WDR43: variants seen among roughly 807,000 people sequenced by gnomAD.
WDR43 encodes WD repeat-containing protein 43.
In WDR43, 13 loss-of-function variants were observed where a neutral mutation model predicts 91.4. That is an observed-to-expected ratio of 0.14 (90% confidence interval 0.09 to 0.23). The LOEUF is 0.23. Ranked by LOEUF, WDR43 falls within the 10% of genes least tolerant of loss-of-function variation. WDR43 has a pLI of 1.00. For synonymous variants in WDR43, 331 were observed against 287.9 expected (o/e 1.15, Z -1.51); for missense variants, 780 against 809.4 (o/e 0.96, Z 0.44).
chr2:28,907,401 T>TCATGAGG (rs1553326129), intron 3 of WDR43, among the ~76,000 whole-genome samples: 1 of 147,652 alleles, frequency 6.8e-6, no homozygotes, highest in African/African-American at 2.5e-5. Flanking sequence ...GGTGGGAGGA[T>TCATGAGG]TGCTTGAGAC....
chr2:28,926,494 G>A lies in WDR43; in HGVS notation c.1113G>A (p.Met371Ile). ...CTTTAAACTCCAGAGAACCTCATAT[G>A]TGTTTAGTAAGAGATATTTCAAACT... ...RVALNSREPH[M>I]CLVRDISNCW... The change falls in exon 9 of 18, where the codon ATG becomes ATA. Residue 371 changes from methionine to isoleucine, a missense_variant. Met to Ile is a conservative substitution (Grantham distance 10, BLOSUM62 1). Around this residue, in one of 4 missense-constraint regions of WDR43, gnomAD observed 426 missense variants for 467.8 expected, o/e 0.91. Coordinates refer to ENST00000407426, the MANE Select transcript of WDR43 (RefSeq NM_015131.3). The A allele has an allele frequency of 1.3e-6, 2 of 1,595,492 alleles. No homozygotes were observed. Among genetic ancestry groups the A allele is most frequent in the Non-Finnish European group, 8.5e-7 (1 of 1,170,030 alleles).
chr2:28,913,611 A>G (rs1378892024), intron 4 of WDR43: 8 of 516,924 alleles, frequency 1.5e-5, no homozygotes, highest in Non-Finnish European at 3.1e-5. Flanking sequence ...GAGATTTAGT[A>G]TTATATTTTT....
chr2:28,944,124 G>A (rs560181231), intron 16 of WDR43, among the ~76,000 whole-genome samples: 60 of 152,200 alleles, frequency 3.9e-4, no homozygotes, highest in African/African-American at 1.4e-3. Flanking sequence ...TCTTCATATA[G>A]TTCAAATAAA....
intron 1 of WDR43, chr2:28,895,927 A>G (rs892934966): frequency 2.0e-5 from 3 of 152,190 alleles, no homozygotes; most frequent in South Asian, 2.1e-4. Context: ...ACTCTCTCTG[A>G]CGACCTGGGA....
At chr2:28,896,008 T>A (rs1572576125) in intron 1 of WDR43, 2 of 152,326 alleles carry the variant, frequency 1.3e-5, no homozygotes, top group South Asian at 4.1e-4. Context: ...GTTTAGATAT[T>A]TTTCAAATTT....
At chr2:28,944,043 T>C (rs1040179137) in intron 16 of WDR43, among the ~76,000 whole-genome samples, 10 of 152,234 alleles carry the variant, frequency 6.6e-5, no homozygotes, top group African/African-American at 2.4e-4. Flanking sequence ...CCTGTGGGGA[T>C]GCCCAGAACT....
intron 11 of WDR43, 27 bp from the exon 12 acceptor site, chr2:28,935,494 C>G (rs1460953871): frequency 6.7e-7 from 1 of 1,501,228 alleles, no homozygotes; most frequent in South Asian, 1.3e-5. Context: ...GTATGCTCAT[C>G]TTAATAATCC....
In WDR43 at chr2:28,925,066, C is replaced by T; in HGVS notation, c.999C>T (p.Ile333=). The T allele has an allele frequency of 6.2e-7, 1 of 1,613,986 alleles. No individual in the cohort carries two copies. The highest frequency in any genetic ancestry group is 8.5e-7 in the Non-Finnish European group (1 of 1,179,880). The change falls in exon 8 of 18, where the codon ATC becomes ATT. Residue 333 remains isoleucine (I), a synonymous_variant. Coordinates refer to ENST00000407426, the MANE Select transcript of WDR43 (RefSeq NM_015131.3). ...GKGKKSTPKP[I]PILAAGFCSD... ...GCAAGAAGTCAACACCAAAACCCAT[C>T]CCTATTCTAGCTGCTGGTTTTTGCT...
intron 3 of WDR43, 129 bp downstream of exon 3, chr2:28,906,710 G>T: frequency 8.5e-7 from 1 of 1,173,816 alleles, no homozygotes; most frequent in Non-Finnish European, 1.1e-6. Flanking sequence ...GAGCATGCAA[G>T]ATTTTAATAC....
At chr2:28,929,138 T>G (rs925197456) in intron 10 of WDR43, among the ~76,000 whole-genome samples, 3 of 152,244 alleles carry the variant, frequency 2.0e-5, no homozygotes, top group African/African-American at 7.2e-5. Flanking sequence ...AAAAATTGTT[T>G]TGGGAACATA....
At chr2:28,905,576 G>C (rs1670662973) in intron 2 of WDR43, among the ~76,000 whole-genome samples, 1 of 151,940 alleles carries the variant, frequency 6.6e-6, no homozygotes, top group Non-Finnish European at 1.5e-5. Flanking sequence ...GCTGACTTGG[G>C]GTGTGGAAGT....
At chr2:28,924,929 AGT>A in intron 7 of WDR43, 51 bp from the exon 8 acceptor site, 4 of 1,570,660 alleles carry the variant, frequency 2.5e-6, no homozygotes, top group Non-Finnish European at 3.5e-6. Context: ...CCAGAGAGTT[AGT>A]ATGAGACGTT....
At chr2:28,901,918 T>A (rs974103970) in intron 1 of WDR43, 69 bp from the exon 2 acceptor site, 1 of 1,440,278 alleles carries the variant, frequency 6.9e-7, no homozygotes, top group African/African-American at 1.4e-5. Flanking sequence ...TGGGCATTTG[T>A]ATTTGTTCAT....
At chr2:28,927,824 T>G (rs1035007703) in intron 10 of WDR43, 124 bp downstream of exon 10, 4 of 1,281,514 alleles carry the variant, frequency 3.1e-6, no homozygotes, top group Non-Finnish European at 3.2e-6. Flanking sequence ...TCTCCTGTTA[T>G]GCTCTCTTTT....
intron 7 of WDR43, among the ~76,000 whole-genome samples, chr2:28,924,404 C>A (rs932422747): frequency 2.0e-5 from 3 of 152,044 alleles, no homozygotes; most frequent in Admixed American, 1.3e-4. Context: ...AAGGGATAGA[C>A]TATTGTCTTG....
chr2:28,901,054 C>T (rs185438014), intron 1 of WDR43, among the ~76,000 whole-genome samples: 72 of 152,252 alleles, frequency 4.7e-4, no homozygotes, highest in Admixed American at 2.6e-3. Context: ...TGTGCATGCC[C>T]ATGCGTGCTG....
chr2:28,928,010 G>A (rs762369720), intron 10 of WDR43: 3 of 232,396 alleles, frequency 1.3e-5, no homozygotes, highest in Admixed American at 5.2e-5. Context: ...ATTGGGTTTC[G>A]CATGTTGCTG....
rs145299581 is a variant in WDR43, at chr2:28,938,936, C to A, written c.1620+942C>A. Among the ~76,000 whole-genome samples the A allele has an allele frequency of 1.1e-3, 162 of 151,406 alleles. 1 individual carries two copies. Among genetic ancestry groups the A allele is most frequent in the Non-Finnish European group, 1.9e-3 (130 of 67,826 alleles). On this transcript the variant is annotated intron_variant, in intron 14 of 17. Transcript: ENST00000407426. ...CGTTTTGGGAGGTGGCCTGGGAGCA[C>A]TGGTGAGAGGGGTTTTGGGAGGTGG...
At chr2:28,944,358 T>C (rs887672230) in intron 16 of WDR43, among the ~76,000 whole-genome samples, 1 of 152,228 alleles carries the variant, frequency 6.6e-6, no homozygotes, top group Non-Finnish European at 1.5e-5. Flanking sequence ...AATTTAAAAA[T>C]TGAATTTGAA....
Sources: allele counts gnomAD v4.1 joint callset (sites outside exome capture counted in the v4.1 genomes callset), GRCh38; gene constraint gnomAD v4.1.1; regional missense constraint gnomAD v4.1.1; transcripts MANE v1.5; gene names NCBI Gene and HGNC (gene_info 2026-07-23, HGNC 2026-07-21).